PLD1: variants seen among roughly 807,000 people sequenced by gnomAD.
The protein encoded by PLD1 is choline phosphatase 1.
Under a neutral mutation model 137.1 loss-of-function variants are expected in PLD1, and 112 were observed. That is an observed-to-expected ratio of 0.82 (90% CI 0.70 to 0.96). PLD1 has a LOEUF of 0.96. PLD1 is among the 40% of genes least tolerant of loss of function. PLD1 has a pLI of 0.00. For missense variants in PLD1, 1,321 were observed against 1,342.0 expected (o/e 0.98, Z 0.24); for synonymous variants, 431 against 454.7 (o/e 0.95, Z 0.66).
In PLD1 at chr3:171,726,916, A is replaced by G. The variant is rs145850556; in HGVS notation, c.607-840T>C. Among the ~76,000 whole-genome samples the G allele has an allele frequency of 3.3e-5, 5 of 152,362 alleles. No homozygotes were observed. The East Asian group carries it at 7.7e-4, about 23-fold the overall frequency. ...AAATATTTTCTGCAAAGAGCCAGAC[A>G]GTAAATATTTTGGGCTTTGTGGGCA... On this transcript the variant is annotated intron_variant, in intron 6 of 26. Transcript: ENST00000351298.
chr3:171,682,675 T>A (rs931997922), intron 16 of PLD1, among the ~76,000 whole-genome samples: 1 of 152,198 alleles, frequency 6.6e-6, no homozygotes, highest in African/African-American at 2.4e-5. Flanking sequence ...ACTTTTCTTT[T>A]TTGAAAACAA....
chr3:171,809,978 T>A (rs1052031106), intron 1 of PLD1: 11 of 152,342 alleles, frequency 7.2e-5, no homozygotes, highest in African/African-American at 2.7e-4. Flanking sequence ...GCCGGTCCCA[T>A]CGCCCCCACC....
At chr3:171,684,756 C>T (rs1215135667) in intron 16 of PLD1, among the ~76,000 whole-genome samples, 2 of 152,108 alleles carry the variant, frequency 1.3e-5, no homozygotes, top group African/African-American at 4.8e-5. Flanking sequence ...CCACCACACT[C>T]AGCTAATTTT....
intron 7 of PLD1, 151 bp downstream of exon 7, chr3:171,725,867 A>G: frequency 1.6e-6 from 1 of 625,086 alleles, no homozygotes; most frequent in Non-Finnish European, 2.9e-6. Context: ...TCTGATTTGT[A>G]TGAATAATTC....
intron 11 of PLD1, among the ~76,000 whole-genome samples, chr3:171,701,469 C>T (rs1224182266): frequency 2.0e-5 from 3 of 152,142 alleles, no homozygotes; most frequent in South Asian, 4.1e-4. Flanking sequence ...CAAAGAGCTT[C>T]GGTATGGGGG....
chr3:171,605,431 A>C lies in PLD1; in HGVS notation c.2883-15T>G. 2 of 1,437,302 alleles carry C rather than the reference A, an allele frequency of 1.4e-6. No homozygotes were observed. Among genetic ancestry groups the C allele is most frequent in the Non-Finnish European group, 2.0e-6 (2 of 1,018,544 alleles). The allele number at this position is 1,437,302 out of a possible 1,614,324, so 89.0% of individuals were successfully genotyped here. A position where few individuals can be genotyped will look rare whatever the true frequency, so the allele number is the denominator to read the frequency against. On this transcript the variant is annotated splice_polypyrimidine_tract_variant and intron_variant, in intron 25 of 26. Coordinates refer to ENST00000351298, the MANE Select transcript of PLD1 (RefSeq NM_002662.5). ...CAAGGACAACCCTGAAATACAAGTG[A>C]CCTCCACATTGAGTAACTGAGATAA... is the stretch of plus-strand genomic sequence containing the variant.
At chr3:171,785,111 C>T (rs1425294576) in intron 1 of PLD1, among the ~76,000 whole-genome samples, 1 of 152,126 alleles carries the variant, frequency 6.6e-6, no homozygotes, top group Non-Finnish European at 1.5e-5. Context: ...TGGGATACTG[C>T]CAAAGTATCC....
At chr3:171,695,183 T>A (rs556931146) in intron 12 of PLD1, among the ~76,000 whole-genome samples, 1 of 152,154 alleles carries the variant, frequency 6.6e-6, no homozygotes, top group Non-Finnish European at 1.5e-5. Context: ...AGTGTAGGCT[T>A]ATACAAAATG....
intron 19 of PLD1, among the ~76,000 whole-genome samples, chr3:171,670,862 G>A (rs1379465409): frequency 6.6e-6 from 1 of 152,198 alleles, no homozygotes; most frequent in Non-Finnish European, 1.5e-5. Context: ...TAAAAATTAA[G>A]AAGTGTATCT....
rs546481091 is a variant in PLD1 at position 171,779,798 on chromosome 3, T to C, written c.-32+30601A>G. Reference sequence around the variant, plus strand: ...GATTCAGGACTGGAATTTGTATACATAAGTCTGAGATTCAGGACTGAGATT... The same window carrying C: ...GATTCAGGACTGGAATTTGTATACACAAGTCTGAGATTCAGGACTGAGATT... On this transcript the variant is annotated intron_variant, in intron 1 of 26. Transcript: ENST00000351298. 6.6e-5 allele frequency among the ~76,000 whole-genome samples: 10 copies of C among 151,688 alleles called. No individual in the cohort carries two copies. The South Asian group carries it at 2.1e-3, about 32-fold the overall frequency.
chr3:171,740,449 C>T (rs955908458), intron 1 of PLD1, among the ~76,000 whole-genome samples: 23 of 152,178 alleles, frequency 1.5e-4, no homozygotes, highest in African/African-American at 5.5e-4. Flanking sequence ...TACATCATAT[C>T]ATTGCAGCTT....
chr3:171,778,961 G>A (rs2108338971), intron 1 of PLD1, among the ~76,000 whole-genome samples: 1 of 152,334 alleles, frequency 6.6e-6, no homozygotes, highest in Non-Finnish European at 1.5e-5. Context: ...GCCGAGGTGG[G>A]TGGATCACTT....
Position 171,767,636 on chromosome 3 carries a change from G to C in PLD1, c.-31-29554C>G, listed in dbSNP as rs368729386. Among the ~76,000 whole-genome samples the C allele has an allele frequency of 9.7e-4, 147 of 152,258 alleles. No individual in the cohort carries two copies. The Middle Eastern group carries it at 0.014, about 14-fold the overall frequency. On this transcript the variant is annotated intron_variant, in intron 1 of 26. Transcript: ENST00000351298. ...ACAACACTGTCATAGCTGCCTACTA[G>C]TTGCTCTGACTTAGGTCAATCTAAC... is the stretch of plus-strand genomic sequence containing the variant.
intron 11 of PLD1, among the ~76,000 whole-genome samples, chr3:171,701,759 CAA>C (rs944046903): frequency 3.9e-5 from 6 of 152,258 alleles, no homozygotes; most frequent in Admixed American, 3.3e-4. Flanking sequence ...TACTTGTAAA[CAA>C]AGTTATTGTT....
intron 23 of PLD1, among the ~76,000 whole-genome samples, chr3:171,637,755 C>T (rs1056181340): frequency 6.6e-6 from 1 of 152,192 alleles, no homozygotes; most frequent in Non-Finnish European, 1.5e-5. Flanking sequence ...TAGATTATTG[C>T]TCCTAGGCTA....
At chr3:171,720,137 A>T (rs924081420) in intron 8 of PLD1, among the ~76,000 whole-genome samples, 1 of 152,034 alleles carries the variant, frequency 6.6e-6, no homozygotes, top group Admixed American at 6.6e-5. Context: ...TTTACAAAAA[A>T]TACAAAATTT....
chr3:171,796,553 A>G (rs1006426782), intron 1 of PLD1, among the ~76,000 whole-genome samples: 11 of 152,340 alleles, frequency 7.2e-5, no homozygotes, highest in African/African-American at 2.2e-4. Flanking sequence ...GTGTTCTATC[A>G]TATTTCAGAC....
intron 18 of PLD1, among the ~76,000 whole-genome samples, chr3:171,675,935 T>C (rs960229507): frequency 1.3e-5 from 2 of 151,352 alleles, no homozygotes; most frequent in Non-Finnish European, 2.9e-5. Context: ...CTCCGCCTCC[T>C]GGATTCAAGT....
chr3:171,736,565 C>T (rs1051954581), intron 3 of PLD1, among the ~76,000 whole-genome samples: 1 of 152,166 alleles, frequency 6.6e-6, no homozygotes, highest in African/African-American at 2.4e-5. Flanking sequence ...CAGAGGCTGA[C>T]ACCAAAATGA....
Sources: allele counts gnomAD v4.1 joint callset (sites outside exome capture counted in the v4.1 genomes callset), GRCh38; gene constraint gnomAD v4.1.1; transcripts MANE v1.5; gene names NCBI Gene and HGNC (gene_info 2026-07-23, HGNC 2026-07-21).